Variants in IDS observed in about 807,000 individuals in gnomAD.
IDS encodes the protein alpha-L-iduronate sulfate sulfatase.
IDS carries 1 observed loss-of-function variant against 33.5 expected under a neutral mutation model. The ratio of observed to expected loss-of-function variants is 0.03; its 90% CI spans 0.01 to 0.14. The LOEUF is 0.14. Ranked by LOEUF, IDS falls within the 10% of genes least tolerant of loss-of-function variation. The probability of loss-of-function intolerance (pLI) is 1.00; values close to 1 mark genes in which losing one functional copy is unlikely to be tolerated. For missense variants in IDS, 328 were observed against 448.0 expected, an observed-to-expected ratio of 0.73 and a Z score of 2.42; for synonymous variants, 191 against 184.4, an observed-to-expected ratio of 1.04 and a Z score of -0.29.
chrX:149,491,353 C>T (rs992911749), intron 6 of IDS, among the ~76,000 whole-genome samples: 5 of 112,368 alleles, frequency 4.4e-5, no homozygotes, highest in Non-Finnish European at 9.4e-5. Context: ...AATGAGCCAC[C>T]GGCCCCTCCT....
At chrX:149,496,060 G>A (rs781919306) in intron 6 of IDS, among the ~76,000 whole-genome samples, 1 of 112,433 alleles carries the variant, frequency 8.9e-6, no homozygotes, top group East Asian at 2.8e-4. Flanking sequence ...GGTCACCCAG[G>A]CTGGTTCCCC....
intron 5 of IDS, among the ~76,000 whole-genome samples, chrX:149,497,256 G>A (rs1312733777): frequency 8.9e-6 from 1 of 112,166 alleles, no homozygotes; most frequent in Non-Finnish European, 1.9e-5. Context: ...GCCAATTCTG[G>A]GAATAGTGAG....
At chrX:149,484,577 C>T (rs1355476818) in intron 8 of IDS, among the ~76,000 whole-genome samples, 1 of 112,968 alleles carries the variant, frequency 8.9e-6, no homozygotes, top group African/African-American at 3.2e-5. Context: ...ACCTTGGCCT[C>T]CCAAAGTGCT....
rs782616121 is a variant in IDS, at chrX:149,479,884, C to G, written c.*2862G>C. 6.3e-6 allele frequency: 1 copy of G among 159,180 alleles called. No homozygotes were observed. Among genetic ancestry groups the G allele is most frequent in the South Asian group, 3.2e-4 (1 of 3,092 alleles). 13.1% of individuals were successfully genotyped at this position (159,180 alleles called of 1,213,427 possible). On this transcript the variant is annotated 3_prime_UTR_variant, in exon 9 of 9. Transcript: ENST00000340855. ...CAGTTTTATAATTAGGAAAAAAATA[C>G]CTTTTTAAAGTAAAGCGAACACAAG...
rs1356012929 is a variant in IDS, at chrX:149,505,285, G to A, written c.-148C>T. The A allele has an allele frequency of 1.2e-5, 4 of 320,790 alleles. No homozygotes were observed. The highest frequency in any genetic ancestry group is 1.1e-5 in the Non-Finnish European group (2 of 186,465). The allele number at this position is 320,790 out of a possible 1,213,427, so 26.4% of individuals were successfully genotyped here. On this transcript the variant is annotated 5_prime_UTR_variant, in exon 1 of 9. Transcript: ENST00000340855. The stretch of plus-strand genomic sequence containing the variant: ...AGCCGCCGCCCGGGCCCGCAGGCCC[G>A]GGCGCTGGCCGCAGCGCGAGTGCGT...
chrX:149,483,027 G>A lies in IDS; in HGVS notation c.1372C>T (p.Arg458Cys), dbSNP rs782340858. The A allele has an allele frequency of 5.6e-5, 67 of 1,207,129 alleles. No homozygotes were observed. Among genetic ancestry groups the A allele is most frequent in the Middle Eastern group, 2.3e-4 (1 of 4,364 alleles). ...TACTGGCTATAGGCAATCAGTTCAC[G>A]GGGATTACCAGGGAGGTACGGATCC... ...EEDPYLPGNP[R>C]ELIAYSQYPR... is the part of the protein sequence containing the mutation. Residue 458 changes from arginine to cysteine, a missense_variant, in exon 9 of 9, where the codon CGT (arginine) becomes TGT (cysteine). Arg to Cys is a radical substitution (Grantham distance 180). Coordinates refer to ENST00000340855, the MANE Select transcript of IDS (RefSeq NM_000202.8).
intron 3 of IDS, among the ~76,000 whole-genome samples, chrX:149,502,507 C>A (rs1236005575): frequency 1.8e-5 from 2 of 112,515 alleles, no homozygotes. Context: ...TCACTCTCAA[C>A]CTGGGCTGGC....
chrX:149,484,171 T>C (rs2089315315), intron 8 of IDS, among the ~76,000 whole-genome samples: 1 of 111,746 alleles, frequency 8.9e-6, no homozygotes, highest in African/African-American at 3.3e-5. Flanking sequence ...TACCTAGGAG[T>C]GGAACTTCTG....
chrX:149,499,910 A>C (rs1225869052), intron 4 of IDS, among the ~76,000 whole-genome samples: 1 of 110,888 alleles, frequency 9.0e-6, no homozygotes, highest in Non-Finnish European at 1.9e-5. Context: ...CGTGAGACCA[A>C]AGTTAGTTCT....
chrX:149,489,750 G>A (rs2089372428), intron 7 of IDS, among the ~76,000 whole-genome samples: 1 of 111,408 alleles, frequency 9.0e-6, no homozygotes, highest in African/African-American at 3.3e-5. Context: ...GGGAAACGGG[G>A]GGAGCTGCTG....
chrX:149,486,769 C>T (rs782556286), intron 8 of IDS, among the ~76,000 whole-genome samples, 156 bp downstream of exon 8: 4 of 111,872 alleles, frequency 3.6e-5, no homozygotes, highest in Non-Finnish European at 7.5e-5. Flanking sequence ...GTTCAGAAAG[C>T]GTGTGCTGAC....
intron 7 of IDS, among the ~76,000 whole-genome samples, chrX:149,488,376 C>T (rs1270728513): frequency 9.3e-6 from 1 of 107,137 alleles, no homozygotes; most frequent in African/African-American, 3.5e-5. Context: ...GTCACATTGT[C>T]CCTTTTAGAT....
At chrX:149,487,725 T>C (rs782017132) in intron 7 of IDS, among the ~76,000 whole-genome samples, 71 of 111,589 alleles carry the variant, frequency 6.4e-4, no homozygotes, top group African/African-American at 2.2e-3. Flanking sequence ...AAAACATCCC[T>C]TGCAAAAGAT....
Position 149,495,466 on chromosome X carries a change from G to GC in IDS, c.879+879dup, listed in dbSNP as rs1173651368. ...CTGATGAATCAGAATCACCTGGTGT[G>GC]CTTTTTTTTTTTTTTTTTAAGAAAT... On this transcript the variant is annotated intron_variant, in intron 6 of 8. Transcript: ENST00000340855. 9.9e-3 allele frequency: 790 copies of GC among 80,130 alleles called. 9 individuals are homozygous for GC. Among genetic ancestry groups the GC allele is most frequent in the African/African-American group, 0.03 (723 of 23,744 alleles). The allele number at this position is 80,130 out of a possible 1,213,427, so 6.6% of individuals were successfully genotyped here.
chrX:149,505,266 C>CGCCCGG lies in IDS; in HGVS notation c.-135_-130dup. 1 of 351,376 alleles carries CGCCCGG rather than the reference C, an allele frequency of 2.8e-6. No individual in the cohort carries two copies. Among genetic ancestry groups the CGCCCGG allele is most frequent in the Non-Finnish European group, 4.8e-6 (1 of 210,213 alleles). 29.0% of individuals were successfully genotyped at this position (351,376 alleles called of 1,213,427 possible). A position where few individuals can be genotyped will look rare whatever the true frequency, so the allele number is the denominator to read the frequency against. On this transcript the variant is annotated 5_prime_UTR_variant, in exon 1 of 9. Transcript: ENST00000340855. ...CATGAAGACTGCGCAACACAGCCGC[C>CGCCCGG]GCCCGGGCCCGCAGGCCCGGGCGCT...
rs887466798 is a variant in IDS, at chrX:149,505,238, A to T, written c.-101T>A. On this transcript the variant is annotated 5_prime_UTR_variant, in exon 1 of 9. Transcript: ENST00000340855. ...AGCCACAGAGACCTCCTCGTCGGGA[A>T]CCCATGAAGACTGCGCAACACAGCC... 19 of 517,158 alleles carry T rather than the reference A, an allele frequency of 3.7e-5. No individual in the cohort carries two copies. Among genetic ancestry groups the T allele is most frequent in the Non-Finnish European group, 5.4e-5 (18 of 336,263 alleles). The allele number at this position is 517,158 out of a possible 1,213,427, so 42.6% of individuals were successfully genotyped here.
intron 6 of IDS, among the ~76,000 whole-genome samples, chrX:149,494,700 G>A (rs782204839): frequency 5.4e-5 from 6 of 112,039 alleles, no homozygotes; most frequent in East Asian, 2.8e-4. Context: ...AGATAGCTCC[G>A]TGCAGCCGAC....
intron 5 of IDS, among the ~76,000 whole-genome samples, chrX:149,497,000 C>T (rs1602741571): frequency 3.6e-5 from 4 of 112,404 alleles, no homozygotes; most frequent in Non-Finnish European, 1.9e-5. Context: ...AGCTTCAAGT[C>T]CTCTTCCAGG....
intron 6 of IDS, chrX:149,495,359 G>A (rs1235135724): frequency 8.9e-6 from 1 of 112,878 alleles, no homozygotes; most frequent in Non-Finnish European, 1.9e-5. Flanking sequence ...AAGTAAGTTT[G>A]GATAGCAAGG....
Sources: gnomAD v4.1 joint callset for allele counts (sites outside exome capture counted in the v4.1 genomes callset) on GRCh38, gnomAD v4.1.1 for gene constraint, MANE v1.5 for transcripts, NCBI Gene and HGNC (gene_info 2026-07-23, HGNC 2026-07-21) for gene names.